The following RPH3A variants were observed in gnomAD, a reference collection of about 807,000 sequenced individuals.
The protein encoded by RPH3A is rabphilin-3A.
RPH3A carries 48 observed loss-of-function variants against 102.2 expected under a neutral mutation model. The ratio of observed to expected loss-of-function variants is 0.47; its 90% CI spans 0.37 to 0.60. The LOEUF (loss-of-function observed/expected upper bound fraction) is 0.60, where lower values mean the gene tolerates loss of function less well. Ranked by LOEUF, RPH3A falls within the 20% of genes least tolerant of loss-of-function variation. The pLI is 0.00. For synonymous variants in RPH3A, 310 were observed against 324.3 expected (o/e 0.96, Z 0.47); for missense variants, 781 against 910.1 (o/e 0.86, Z 1.83).
chr12:112,759,677 T>C (rs1365306780), intron 1 of RPH3A, among the ~76,000 whole-genome samples: 1 of 152,096 alleles, frequency 6.6e-6, no homozygotes, highest in Non-Finnish European at 1.5e-5. Flanking sequence ...AAAGGATAGG[T>C]GTGGACAAAT....
chr12:112,681,783 A>G (rs1249071046), intron 1 of RPH3A, among the ~76,000 whole-genome samples: 1 of 152,246 alleles, frequency 6.6e-6, no homozygotes, highest in Non-Finnish European at 1.5e-5. Flanking sequence ...ATCAAAGCTG[A>G]CTTGGGCAAG....
intron 4 of RPH3A, among the ~76,000 whole-genome samples, chr12:112,846,629 G>A (rs1031299403): frequency 6.6e-6 from 1 of 152,214 alleles, no homozygotes; most frequent in African/African-American, 2.4e-5. Context: ...AAGCCTGGCG[G>A]CTAATGGGGG....
Position 112,868,496 on chromosome 12 carries a change from C to A in RPH3A, c.511C>A (p.Pro171Thr). The A allele has an allele frequency of 6.2e-7, 1 of 1,614,168 alleles. No homozygotes were observed. The highest frequency in any genetic ancestry group is 8.5e-7 in the Non-Finnish European group (1 of 1,180,016). Residue 171 changes from proline (P) to threonine (T), a missense_variant, in exon 8 of 22, where the codon CCT becomes ACT. By Grantham distance (38) the Pro-to-Thr change is conservative. Transcript: ENST00000389385. Reference sequence around the variant, plus strand: ...CAAACAGGTCCTCCCACAGCCTATGCCTATAAAGAAGACCAAGCCCCAGCA... The same window carrying A: ...CAAACAGGTCCTCCCACAGCCTATGACTATAAAGAAGACCAAGCCCCAGCA... ...FPKQVLPQPM[P>T]IKKTKPQQPV...
At chr12:112,639,148 G>A (rs1170563266) in intron 1 of RPH3A, among the ~76,000 whole-genome samples, 2 of 152,184 alleles carry the variant, frequency 1.3e-5, no homozygotes, top group Non-Finnish European at 2.9e-5. Context: ...GTTTACGGGT[G>A]TATCATTATG....
At chr12:112,693,723 C>CT (rs2136023968) in intron 1 of RPH3A, among the ~76,000 whole-genome samples, 1 of 152,336 alleles carries the variant, frequency 6.6e-6, no homozygotes, top group African/African-American at 2.4e-5. Flanking sequence ...TCCCTGATCA[C>CT]TTTTTCTAGT....
At chr12:112,644,543 A>G (rs2039913201) in intron 1 of RPH3A, among the ~76,000 whole-genome samples, 1 of 152,228 alleles carries the variant, frequency 6.6e-6, no homozygotes, top group Admixed American at 6.5e-5. Context: ...TCACAGGTGC[A>G]TGCCATCTGA....
At chr12:112,813,260 G>T (rs1222070139) in intron 2 of RPH3A, 1 of 152,192 alleles carries the variant, frequency 6.6e-6, no homozygotes, top group African/African-American at 2.4e-5. Flanking sequence ...GAGACCAAGG[G>T]CTTTGTAAAT....
intron 2 of RPH3A, among the ~76,000 whole-genome samples, chr12:112,804,075 G>A (rs116730318): frequency 0.04 from 6,160 of 152,182 alleles, 407 homozygotes; most frequent in African/African-American, 0.14. Context: ...GTTTTGTTTC[G>A]CAATAACTTT....
chr12:112,741,369 T>C lies in RPH3A; in HGVS notation c.-139-50774T>C, dbSNP rs116697111. On this transcript the variant is annotated intron_variant, in intron 1 of 21. Transcript: ENST00000543106. ...TCTCTCATTTTGGATTGCTCCTTAA[T>C]CTTGTCTAGTGACCCATCAATCTCC... 7.5e-3 allele frequency among the ~76,000 whole-genome samples: 1,144 copies of C among 152,306 alleles called. 15 individuals are homozygous for C. The highest frequency in any genetic ancestry group is 0.027 in the African/African-American group (1,103 of 41,568).
At chr12:112,891,750 A>G (rs1186242311) in intron 19 of RPH3A, among the ~76,000 whole-genome samples, 1 of 152,204 alleles carries the variant, frequency 6.6e-6, no homozygotes, top group Non-Finnish European at 1.5e-5. Context: ...CGACCTTAGC[A>G]TCCCTGCCAG....
intron 1 of RPH3A, among the ~76,000 whole-genome samples, chr12:112,698,697 A>C (rs1013855590): frequency 6.6e-6 from 1 of 152,240 alleles, no homozygotes; most frequent in Admixed American, 6.5e-5. Context: ...ATGGCTTTTG[A>C]AAACAGATAA....
intron 1 of RPH3A, among the ~76,000 whole-genome samples, chr12:112,626,614 C>G (rs2039768570): frequency 6.7e-6 from 1 of 149,068 alleles, no homozygotes; most frequent in African/African-American, 2.5e-5. Flanking sequence ...GTGGGTGGGA[C>G]TGTAAACTAG....
In RPH3A at chr12:112,898,258, A is replaced by G. The variant is rs867708689; in HGVS notation, c.*1478A>G. ...GGAGGAAAAGGCAATGTGGGCAAAC[A>G]TTACAAATTTGAGGTTGAAGTCAGG... is the stretch of plus-strand genomic sequence containing the variant. On this transcript the variant is annotated 3_prime_UTR_variant, in exon 22 of 22. Coordinates refer to ENST00000389385, the MANE Select transcript of RPH3A (RefSeq NM_001143854.2). 3 of 152,242 alleles carry G rather than the reference A, an allele frequency of 2.0e-5. No homozygotes were observed. Among genetic ancestry groups the G allele is most frequent in the Non-Finnish European group, 4.4e-5 (3 of 68,048 alleles). 9.4% of individuals were successfully genotyped at this position (152,242 alleles called of 1,614,324 possible). A position where few individuals can be genotyped will look rare whatever the true frequency, so the allele number is the denominator to read the frequency against.
chr12:112,725,267 A>ACC (rs1304636106), intron 1 of RPH3A, among the ~76,000 whole-genome samples: 1 of 142,792 alleles, frequency 7.0e-6, no homozygotes, highest in African/African-American at 2.6e-5. Flanking sequence ...AAAAAAAAAA[A>ACC]AAAAAAAAAA....
chr12:112,599,636 T>C (rs1333267389), intron 1 of RPH3A, among the ~76,000 whole-genome samples: 1 of 152,206 alleles, frequency 6.6e-6, no homozygotes, highest in East Asian at 1.9e-4. Context: ...TCACCTGATT[T>C]TTTGGATGTT....
intron 1 of RPH3A, among the ~76,000 whole-genome samples, chr12:112,745,948 A>G (rs1010083632): frequency 6.6e-6 from 1 of 152,098 alleles, no homozygotes; most frequent in Non-Finnish European, 1.5e-5. Context: ...CCTCTTTAAG[A>G]GGCAGGAGTG....
At chr12:112,742,203 C>T (rs898228744) in intron 1 of RPH3A, among the ~76,000 whole-genome samples, 8 of 152,074 alleles carry the variant, frequency 5.3e-5, no homozygotes, top group Admixed American at 1.3e-4. Context: ...GTCCATCAGC[C>T]ATTGTTCATG....
At position 112,635,371 on chromosome 12, in the gene RPH3A, C is replaced by T. The variant is rs150424626; in HGVS notation, c.-140+60052C>T. Among the ~76,000 whole-genome samples, 394 of 152,270 alleles carry T rather than the reference C, an allele frequency of 2.6e-3. 2 individuals are homozygous for T. Among genetic ancestry groups the T allele is most frequent in the African/African-American group, 9.0e-3 (373 of 41,540 alleles). ...CTGGGTTTGAATCTCAGCTTTGCCA[C>T]TTACAGGGTGTGTATTCTTTACTCT... On this transcript the variant is annotated intron_variant, in intron 1 of 21. Coordinates refer to the RPH3A transcript ENST00000543106.
At chr12:112,591,477 A>G (rs1448895482) in intron 1 of RPH3A, 1 of 152,188 alleles carries the variant, frequency 6.6e-6, no homozygotes. Context: ...CCCTGTAGCC[A>G]TTTGAGTTGG....
Sources: gnomAD v4.1 joint callset for allele counts (sites outside exome capture counted in the v4.1 genomes callset) on GRCh38, gnomAD v4.1.1 for gene constraint, MANE v1.5 for transcripts, NCBI Gene and HGNC (gene_info 2026-07-23, HGNC 2026-07-21) for gene names.